Variants in CTIF observed in about 807,000 individuals in gnomAD.
CTIF encodes cap binding complex dependent translation initiation factor, also known as CBP80/20-dependent translation initiation factor.
In CTIF, 21 loss-of-function variants were observed where a neutral mutation model predicts 66.0. The ratio of observed to expected loss-of-function variants is 0.32; its 90% CI spans 0.23 to 0.46. The LOEUF (loss-of-function observed/expected upper bound fraction) is 0.46, where lower values mean the gene tolerates loss of function less well. CTIF is among the 20% of genes least tolerant of loss of function. The pLI is 1.00. For synonymous variants in CTIF, 345 were observed against 326.4 expected (o/e 1.06, Z -0.62); for missense variants, 739 against 812.7 (o/e 0.91, Z 1.10).
intron 10 of CTIF, among the ~76,000 whole-genome samples, chr18:48,838,828 C>A (rs1265258495): frequency 6.6e-6 from 1 of 152,198 alleles, no homozygotes; most frequent in East Asian, 1.9e-4. Flanking sequence ...TGGTCACAGG[C>A]AGATTCAAGG....
At chr18:48,810,967 G>C (rs1247870920) in intron 9 of CTIF, among the ~76,000 whole-genome samples, 1 of 151,616 alleles carries the variant, frequency 6.6e-6, no homozygotes, top group Non-Finnish European at 1.5e-5. Flanking sequence ...GTGGTTACTA[G>C]TGTTTACTTT....
chr18:48,644,819 A>G (rs527352689), intron 3 of CTIF, among the ~76,000 whole-genome samples: 65 of 152,314 alleles, frequency 4.3e-4, no homozygotes, highest in African/African-American at 1.5e-3. Context: ...ACATACAGGC[A>G]AAGTGGGAGC....
chr18:48,862,645 G>GTATT lies in CTIF; in HGVS notation c.*3091_*3094dup, dbSNP rs2069499438. The GTATT allele has an allele frequency of 6.6e-6, 1 of 150,462 alleles. No individual in the cohort carries two copies. Among genetic ancestry groups the GTATT allele is most frequent in the Admixed American group, 6.6e-5 (1 of 15,264 alleles). 9.3% of individuals were successfully genotyped at this position (150,462 alleles called of 1,614,324 possible). On this transcript the variant is annotated 3_prime_UTR_variant, in exon 12 of 12. Coordinates refer to ENST00000256413, the MANE Select transcript of CTIF (RefSeq NM_014772.3). ...GTAAATGTAAATGTTGGCCGAGTCG[G>GTATT]TATTTATTCTGATTGATTTTTATTT... is the stretch of plus-strand genomic sequence containing the variant.
At chr18:48,855,637 G>T (rs2069311140) in intron 10 of CTIF, among the ~76,000 whole-genome samples, 2 of 152,212 alleles carry the variant, frequency 1.3e-5, no homozygotes, top group Admixed American at 1.3e-4. Context: ...CTGGCCAGTT[G>T]TGTACAAGAT....
chr18:48,714,439 C>G (rs2092260237), intron 7 of CTIF, among the ~76,000 whole-genome samples: 2 of 152,176 alleles, frequency 1.3e-5, no homozygotes, highest in African/African-American at 4.8e-5. Context: ...GGTGGCTCTC[C>G]TTGGAATGGA....
intron 1 of CTIF, among the ~76,000 whole-genome samples, chr18:48,614,608 A>G (rs1274654164): frequency 6.6e-6 from 1 of 152,242 alleles, no homozygotes; most frequent in Non-Finnish European, 1.5e-5. Flanking sequence ...AGTGAAATAA[A>G]TCGGTTGTAA....
chr18:48,665,644 A>G (rs2091424572), intron 5 of CTIF, among the ~76,000 whole-genome samples: 1 of 152,020 alleles, frequency 6.6e-6, no homozygotes, highest in Non-Finnish European at 1.5e-5. Context: ...CCATCCCATC[A>G]CCACCCCCAG....
chr18:48,829,222 A>T (rs2068642310), intron 10 of CTIF, among the ~76,000 whole-genome samples: 1 of 152,156 alleles, frequency 6.6e-6, no homozygotes, highest in Non-Finnish European at 1.5e-5. Context: ...CCTTTGGGGT[A>T]ATCCTTTGGG....
chr18:48,579,150 T>C (rs1216995512), intron 1 of CTIF, among the ~76,000 whole-genome samples: 1 of 151,858 alleles, frequency 6.6e-6, no homozygotes, highest in East Asian at 1.9e-4. Flanking sequence ...TATTTTGACA[T>C]GGGGTCTTGC....
chr18:48,693,005 C>G (rs2091953698), intron 6 of CTIF, among the ~76,000 whole-genome samples: 1 of 152,198 alleles, frequency 6.6e-6, no homozygotes. Context: ...AGGACTTGGT[C>G]AACATTTTGT....
Position 48,839,603 on chromosome 18 carries a change from A to C in CTIF, c.1528-17985A>C, listed in dbSNP as rs1050260666. 2.0e-5 allele frequency among the ~76,000 whole-genome samples: 3 copies of C among 152,342 alleles called. No homozygotes were observed. In the East Asian group the frequency reaches 5.8e-4, roughly 29 times the overall value. ...CACAGAGGGGTTGCCTGTATTGCAC[A>C]ACATGACTGGTGGGGCGGCTGAATC... On this transcript the variant is annotated intron_variant, in intron 10 of 11. Transcript: ENST00000256413.
At chr18:48,743,274 G>T (rs1413167160) in intron 7 of CTIF, among the ~76,000 whole-genome samples, 1 of 152,214 alleles carries the variant, frequency 6.6e-6, no homozygotes, top group Non-Finnish European at 1.5e-5. Context: ...TCCACACGGA[G>T]CCAAGGCCCT....
At chr18:48,694,653 CTT>C (rs1273003396) in intron 6 of CTIF, among the ~76,000 whole-genome samples, 1 of 152,238 alleles carries the variant, frequency 6.6e-6, no homozygotes, top group East Asian at 1.9e-4. Context: ...GGTGCAGACT[CTT>C]TAATGCCGTG....
At chr18:48,736,199 G>A (rs1051493497) in intron 7 of CTIF, among the ~76,000 whole-genome samples, 6 of 152,160 alleles carry the variant, frequency 3.9e-5, no homozygotes, top group South Asian at 2.1e-4. Flanking sequence ...ATTCCGTCCC[G>A]CATAGCCCCA....
intron 9 of CTIF, among the ~76,000 whole-genome samples, chr18:48,784,253 G>A (rs1911512374): frequency 6.6e-6 from 1 of 152,232 alleles, no homozygotes. Flanking sequence ...CACAGAGAGA[G>A]GAACACAGGC....
chr18:48,716,984 C>A (rs1026869709), intron 7 of CTIF, among the ~76,000 whole-genome samples: 2 of 152,166 alleles, frequency 1.3e-5, no homozygotes, highest in Non-Finnish European at 2.9e-5. Flanking sequence ...ATCCACCTGG[C>A]GTGCGGAGTG....
chr18:48,669,224 A>G (rs949661489), intron 5 of CTIF, among the ~76,000 whole-genome samples: 90 of 152,318 alleles, frequency 5.9e-4, no homozygotes, highest in African/African-American at 2.0e-3. Flanking sequence ...CCAAAACAGA[A>G]GAGATGCTTG....
chr18:48,811,081 T>C (rs973346558), intron 9 of CTIF, among the ~76,000 whole-genome samples: 3 of 152,164 alleles, frequency 2.0e-5, no homozygotes, highest in African/African-American at 7.2e-5. Context: ...AAATGTTGTG[T>C]GCTTTACAGA....
At chr18:48,787,124 C>G (rs1333970116) in intron 9 of CTIF, among the ~76,000 whole-genome samples, 2 of 152,162 alleles carry the variant, frequency 1.3e-5, no homozygotes, top group Non-Finnish European at 2.9e-5. Flanking sequence ...GTGCCTTTCA[C>G]TGGCTCTCTG....
Sources: gnomAD v4.1 joint callset for allele counts (sites outside exome capture counted in the v4.1 genomes callset) on GRCh38, gnomAD v4.1.1 for gene constraint, MANE v1.5 for transcripts, NCBI Gene and HGNC (gene_info 2026-07-23, HGNC 2026-07-21) for gene names.